TMEM132B: variants seen among roughly 807,000 people sequenced by gnomAD.
TMEM132B encodes transmembrane protein 132B.
Under a neutral mutation model 90.8 loss-of-function variants are expected in TMEM132B, and 18 were observed. That is an observed-to-expected ratio of 0.20 (90% CI 0.14 to 0.29). The LOEUF (loss-of-function observed/expected upper bound fraction) is 0.29. TMEM132B is among the 10% of genes least tolerant of loss of function. The pLI, the probability that TMEM132B is intolerant of heterozygous loss-of-function variation, is 1.00. For synonymous variants in TMEM132B, 504 were observed against 523.3 expected (o/e 0.96, Z 0.50); for missense variants, 1,096 against 1,326.8 (o/e 0.83, Z 2.70).
rs149714824 is a variant in TMEM132B at position 125,277,334 on chromosome 12, C to G, written c.68-72118C>G. Among the ~76,000 whole-genome samples, 2 of 151,898 alleles carry G rather than the reference C, an allele frequency of 1.3e-5. No individual in the cohort carries two copies. Among genetic ancestry groups the G allele is most frequent in the Non-Finnish European group, 2.9e-5 (2 of 67,958 alleles). ...TCTCTACTAAAAATACAAAAATTAG[C>G]TGGGCGTGGTGGTGGGCTCCTGTAA... On this transcript the variant is annotated intron_variant, in intron 1 of 8. Coordinates refer to ENST00000682704, the MANE Select transcript of TMEM132B (RefSeq NM_001366854.1). This position sits in a 1 kb window ranked among gnomAD's most constrained non-coding sequence, Gnocchi z 4.3.
At chr12:125,255,966 G>A (rs1277023947) in intron 1 of TMEM132B, among the ~76,000 whole-genome samples, 2 of 152,010 alleles carry the variant, frequency 1.3e-5, no homozygotes, top group Admixed American at 1.3e-4. Flanking sequence ...TAATCACTGA[G>A]TTTTAAGTCA....
chr12:125,585,988 T>G (rs1348541233), intron 5 of TMEM132B: 1 of 152,236 alleles, frequency 6.6e-6, no homozygotes, highest in East Asian at 1.9e-4. Flanking sequence ...TACTATGGCT[T>G]CAGTGTCAAT....
intron 5 of TMEM132B, among the ~76,000 whole-genome samples, chr12:125,599,931 T>A (rs900565093): frequency 5.3e-5 from 8 of 152,066 alleles, no homozygotes; most frequent in Admixed American, 4.6e-4. Context: ...TTGGCAGAAG[T>A]CAACAAAAGC....
intron 1 of TMEM132B, among the ~76,000 whole-genome samples, chr12:125,290,115 A>G (rs1410256962): frequency 4.6e-5 from 7 of 152,216 alleles, no homozygotes. Context: ...TTTAAAATCC[A>G]AAACTGGAAC....
At chr12:125,273,273 C>G (rs1874896883) in intron 1 of TMEM132B, among the ~76,000 whole-genome samples, 1 of 152,108 alleles carries the variant, frequency 6.6e-6, no homozygotes, top group African/African-American at 2.4e-5. Context: ...ACAATGAATA[C>G]CCATGTACCT....
intron 3 of TMEM132B, among the ~76,000 whole-genome samples, chr12:125,517,757 ATAT>A (rs1566060934): frequency 3.3e-5 from 5 of 151,972 alleles, no homozygotes; most frequent in Non-Finnish European, 5.9e-5. Flanking sequence ...AGAAAGACCA[ATAT>A]TATTGTTATT....
intron 4 of TMEM132B, among the ~76,000 whole-genome samples, chr12:125,558,687 A>G (rs756918296): frequency 3.9e-5 from 6 of 152,238 alleles, no homozygotes; most frequent in Non-Finnish European, 7.3e-5. Flanking sequence ...AGAGAACATC[A>G]GCGTTAGAAA....
At chr12:125,374,608 C>A (rs1178192194) in intron 2 of TMEM132B, among the ~76,000 whole-genome samples, 1 of 152,012 alleles carries the variant, frequency 6.6e-6, no homozygotes, top group East Asian at 1.9e-4. Context: ...ATGCATGTTT[C>A]ATTGCAGAGA....
intron 1 of TMEM132B, among the ~76,000 whole-genome samples, chr12:125,243,909 AC>A (rs995004124): frequency 2.6e-5 from 4 of 152,080 alleles, no homozygotes; most frequent in African/African-American, 9.7e-5. Context: ...ATTAGCAGTC[AC>A]CGCCAACGCC....
intron 4 of TMEM132B, among the ~76,000 whole-genome samples, chr12:125,527,213 TCCATCCACCCATCCACCCTTCCATCCAC>T (rs1566063810): frequency 3.0e-4 from 19 of 64,062 alleles, no homozygotes; most frequent in Non-Finnish European, 3.1e-5. Context: ...CTTCCATCCA[TCCATCCACCCATCCACCCTTCCATCCAC>T]CCATCCACCC....
At chr12:125,632,060 CTTGCTTT>C (rs934457472) in intron 5 of TMEM132B, among the ~76,000 whole-genome samples, 2 of 151,920 alleles carry the variant, frequency 1.3e-5, no homozygotes, top group Non-Finnish European at 2.9e-5. Context: ...TCTCTTCCTT[CTTGCTTT>C]CCTTCTTATT....
chr12:125,500,271 A>G (rs535568755), intron 3 of TMEM132B, among the ~76,000 whole-genome samples: 79 of 152,362 alleles, frequency 5.2e-4, no homozygotes, highest in South Asian at 1.0e-3. Flanking sequence ...AGAATGTCTC[A>G]GCTTTTGACA....
At position 125,407,217 on chromosome 12, in the gene TMEM132B, T is replaced by C. The variant is rs115053955; in HGVS notation, c.960-8314T>C. On this transcript the variant is annotated intron_variant, in intron 2 of 8. Coordinates refer to ENST00000682704, the MANE Select transcript of TMEM132B (RefSeq NM_001366854.1). The surrounding 1 kb of genome is among the most constrained non-coding windows in gnomAD (Gnocchi z 6.7). ...GACCTCAGGTAAACAAAGACACTCT[T>C]ATCAGGCAAGAAATTCCAAAGGCTT... Among the ~76,000 whole-genome samples the C allele has an allele frequency of 3.0e-3, 463 of 152,316 alleles. 6 individuals are homozygous for C. Among genetic ancestry groups the C allele is most frequent in the African/African-American group, 0.011 (447 of 41,560 alleles).
At chr12:125,579,325 G>T (rs1885000431) in intron 4 of TMEM132B, among the ~76,000 whole-genome samples, 1 of 149,796 alleles carries the variant, frequency 6.7e-6, no homozygotes, top group Non-Finnish European at 1.5e-5. Context: ...TATATCTATT[G>T]ATATTCTCTC....
intron 5 of TMEM132B, among the ~76,000 whole-genome samples, chr12:125,614,005 A>G (rs766124987): frequency 3.9e-5 from 6 of 152,170 alleles, no homozygotes; most frequent in Non-Finnish European, 7.4e-5. Flanking sequence ...TGGCCCAACA[A>G]TATAATTGTA....
At chr12:125,457,618 G>A (rs867087347) in intron 3 of TMEM132B, among the ~76,000 whole-genome samples, 4 of 152,210 alleles carry the variant, frequency 2.6e-5, no homozygotes, top group Admixed American at 1.3e-4. Flanking sequence ...CTGGGAGGCT[G>A]GGGCAGGGGA....
intron 1 of TMEM132B, among the ~76,000 whole-genome samples, chr12:125,305,116 A>G (rs1314414370): frequency 3.3e-5 from 5 of 152,004 alleles, no homozygotes; most frequent in African/African-American, 1.2e-4. Context: ...ATATGTTGGT[A>G]CACTTCTGAA....
rs1322004634 is a variant in TMEM132B at position 125,213,863 on chromosome 12, T to A, written c.67+26997T>A. On this transcript the variant is annotated intron_variant, in intron 1 of 8. Transcript: ENST00000682704. This position sits in a 1 kb window ranked among gnomAD's most constrained non-coding sequence, Gnocchi z 4.2. ...CTTTACAAAAATGGCAGATGCTAGG[T>A]TGCCACCAAATCTGTCTTTAGGATA... Among the ~76,000 whole-genome samples the A allele has an allele frequency of 2.6e-5, 4 of 152,240 alleles. No homozygotes were observed. The highest frequency in any genetic ancestry group is 9.6e-5 in the African/African-American group (4 of 41,454).
intron 1 of TMEM132B, among the ~76,000 whole-genome samples, chr12:125,342,038 G>T (rs2136221936): frequency 6.6e-6 from 1 of 152,132 alleles, no homozygotes; most frequent in African/African-American, 2.4e-5. Context: ...TATTTTGTTG[G>T]TAGTTCTGCA....
Sources: allele counts gnomAD v4.1 joint callset (sites outside exome capture counted in the v4.1 genomes callset), GRCh38; gene constraint gnomAD v4.1.1; non-coding constraint Gnocchi (gnomAD v3.1); transcripts MANE v1.5; gene names NCBI Gene and HGNC (gene_info 2026-07-23, HGNC 2026-07-21).